The following NDUFAF7 variants were observed in gnomAD, a reference collection of about 807,000 sequenced individuals.
The protein encoded by NDUFAF7 is NADH:ubiquinone oxidoreductase complex assembly factor 7.
Under a neutral mutation model 47.2 loss-of-function variants are expected in NDUFAF7, and 48 were observed. The observed-to-expected ratio is 1.02, with a 90% CI of 0.81 to 1.29. NDUFAF7 has a LOEUF of 1.29. Among genes scored for constraint, NDUFAF7 ranks in the 50% most tolerant of loss-of-function variants. The probability of loss-of-function intolerance (pLI) is 0.00; values close to 1 mark genes in which losing one functional copy is unlikely to be tolerated. For missense variants in NDUFAF7, 635 were observed against 537.6 expected, an observed-to-expected ratio of 1.18 and a Z score of -1.79; for synonymous variants, 217 against 190.0, an observed-to-expected ratio of 1.14 and a Z score of -1.17.
downstream of NDUFAF7, chr2:37,253,523 C>A: frequency 4.1e-6 from 2 of 482,142 alleles, no homozygotes; most frequent in Non-Finnish European, 7.0e-6. Context: ...TTTAAATGAG[C>A]AATTTAAAGA....
intron 5 of NDUFAF7, chr2:37,242,232 A>G: frequency 3.8e-6 from 1 of 264,032 alleles, no homozygotes; most frequent in Non-Finnish European, 7.3e-6. Flanking sequence ...ACTAGTATTG[A>G]CTAGTTTGAG....
chr2:37,242,148 C>CT (rs771936792), intron 5 of NDUFAF7: 1 of 281,094 alleles, frequency 3.6e-6, no homozygotes, highest in Non-Finnish European at 6.7e-6. Flanking sequence ...GTTATAGAGT[C>CT]TTTTAAAAAA....
chr2:37,265,642 C>T, the NDUFAF7 span, among the ~76,000 whole-genome samples: 2 of 152,148 alleles, frequency 1.3e-5, no homozygotes, highest in African/African-American at 4.8e-5. Flanking sequence ...AGTATAAATG[C>T]TGACACCACA....
downstream of NDUFAF7, chr2:37,250,770 AACC>A (rs1667421750): frequency 6.6e-6 from 1 of 150,976 alleles, no homozygotes; most frequent in Admixed American, 6.6e-5. Context: ...AGTTGGATAT[AACC>A]AAAAAAATAT....
chr2:37,264,741 G>T, the NDUFAF7 span, among the ~76,000 whole-genome samples: 31 of 151,756 alleles, frequency 2.0e-4, no homozygotes, highest in South Asian at 2.1e-4. Flanking sequence ...GCTATTTTTG[G>T]GGGGGAAAAA....
rs951163733 is a variant in NDUFAF7 at position 37,237,654 on chromosome 2, T to C, written c.298-103T>C. ...AACATACATATGGCTGTACACATTT[T>C]GCTTTTTGGCATATAGTGCATATTT... On this transcript the variant is annotated intron_variant, in intron 3 of 9. Transcript: ENST00000002125. The C allele has an allele frequency of 7.4e-6, 6 of 810,528 alleles. No homozygotes were observed. In the African/African-American group the frequency reaches 1.0e-4, roughly 14 times the overall value. The allele number at this position is 810,528 out of a possible 1,614,324, so 50.2% of individuals were successfully genotyped here. A position where few individuals can be genotyped will look rare whatever the true frequency, so the allele number is the denominator to read the frequency against.
chr2:37,265,406 G>C, the NDUFAF7 span, among the ~76,000 whole-genome samples: 1 of 151,974 alleles, frequency 6.6e-6, no homozygotes, highest in Non-Finnish European at 1.5e-5. Context: ...AATTCAGATT[G>C]TACTAATAGA....
At chr2:37,236,369 G>T (rs909168899) in intron 3 of NDUFAF7, among the ~76,000 whole-genome samples, 193 bp downstream of exon 3, 1 of 152,096 alleles carries the variant, frequency 6.6e-6, no homozygotes, top group African/African-American at 2.4e-5. Flanking sequence ...TATTTGAAAA[G>T]TTTATACTCC....
downstream of NDUFAF7, among the ~76,000 whole-genome samples, chr2:37,249,659 C>CACACACACACACAG (rs912982099): frequency 1.3e-5 from 2 of 150,772 alleles, no homozygotes; most frequent in African/African-American, 4.9e-5. Context: ...CACACACACA[C>CACACACACACACAG]ACACACACAC....
chr2:37,231,755 G>T lies in NDUFAF7; in HGVS notation c.50G>T (p.Arg17Leu). The T allele has an allele frequency of 5.6e-6, 9 of 1,614,176 alleles. No homozygotes were observed. The highest frequency in any genetic ancestry group is 1.1e-5 in the South Asian group (1 of 91,084). ...SGLGPLCAVA[R>L]AAIPFIWRGK... ...TTGGGGCCGTTGTGTGCCGTGGCGCGCGCAGGTAAGCGTCAGTCCCCTCGA... is the reference window on the plus strand; with the variant it reads ...TTGGGGCCGTTGTGTGCCGTGGCGCTCGCAGGTAAGCGTCAGTCCCCTCGA... Residue 17 changes from arginine (R) to leucine (L), a missense_variant, in exon 1 of 10, where the codon CGC becomes CTC. Arg to Leu is a moderately radical substitution (Grantham distance 102). Coordinates refer to ENST00000002125, the MANE Select transcript of NDUFAF7 (RefSeq NM_144736.5).
chr2:37,246,072 T>G lies in NDUFAF7; in HGVS notation c.813T>G (p.His271Gln), dbSNP rs863224094. Reference protein sequence around the residue: ...AFIQHDETRDHVEVCPDAGVI... With the variant: ...AFIQHDETRDQVEVCPDAGVI... ...ACTAGCATGACGAAACAAGGGATCA[T>G]GTTGAAGTGTGTCCTGATGCTGGTG... Residue 271 changes from histidine to glutamine, a missense_variant, in exon 8 of 10, where the codon CAT becomes CAG. His to Gln is a conservative substitution (Grantham distance 24). Transcript: ENST00000002125. 5.0e-6 allele frequency: 8 copies of G among 1,613,800 alleles called. No homozygotes were observed. Among genetic ancestry groups the G allele is most frequent in the Non-Finnish European group, 6.8e-6 (8 of 1,179,864 alleles).
chr2:37,249,382 G>A (rs566819644), downstream of NDUFAF7, among the ~76,000 whole-genome samples: 2 of 152,202 alleles, frequency 1.3e-5, no homozygotes, highest in East Asian at 3.9e-4. Flanking sequence ...TTGGAGACCA[G>A]CCTGGCCAAC....
chr2:37,253,901 C>T (rs1397381029), downstream of NDUFAF7, among the ~76,000 whole-genome samples: 1 of 152,060 alleles, frequency 6.6e-6, no homozygotes, highest in Non-Finnish European at 1.5e-5. Flanking sequence ...AAAATAAATC[C>T]TTCAGTAGAC....
chr2:37,266,594 C>A, the NDUFAF7 span, among the ~76,000 whole-genome samples: 4 of 151,740 alleles, frequency 2.6e-5, no homozygotes, highest in Non-Finnish European at 5.9e-5. Context: ...TCAAGCGATT[C>A]TCCTGCCTCA....
At chr2:37,238,572 A>G (rs1205711930) in intron 4 of NDUFAF7, among the ~76,000 whole-genome samples, 1 of 152,094 alleles carries the variant, frequency 6.6e-6, no homozygotes, top group Non-Finnish European at 1.5e-5. Context: ...CCAACAAAGC[A>G]AGACCTCGTC....
the NDUFAF7 span, among the ~76,000 whole-genome samples, chr2:37,262,848 T>G: frequency 6.6e-6 from 1 of 152,202 alleles, no homozygotes; most frequent in Non-Finnish European, 1.5e-5. Flanking sequence ...TTTCTCCAAG[T>G]TTCCAAATTT....
downstream of NDUFAF7, chr2:37,254,322 T>C (rs367965762): frequency 1.2e-4 from 182 of 1,561,876 alleles, no homozygotes; most frequent in Non-Finnish European, 1.5e-4. Context: ...ATACATGAAT[T>C]TGGGTGCACA....
intron 9 of NDUFAF7, 46 bp downstream of exon 9, chr2:37,247,675 T>G: frequency 6.2e-7 from 1 of 1,602,642 alleles, no homozygotes; most frequent in African/African-American, 1.3e-5. Context: ...TTCATAGTAT[T>G]TCAAAAATTA....
chr2:37,249,681 C>T (rs1042731470), downstream of NDUFAF7, among the ~76,000 whole-genome samples: 3 of 149,736 alleles, frequency 2.0e-5, no homozygotes, highest in Non-Finnish European at 4.4e-5. Flanking sequence ...CACACACAGC[C>T]TAGGAGGAAT....
Sources: allele counts gnomAD v4.1 joint callset (sites outside exome capture counted in the v4.1 genomes callset), GRCh38; gene constraint gnomAD v4.1.1; transcripts MANE v1.5; gene names NCBI Gene and HGNC (gene_info 2026-07-23, HGNC 2026-07-21).